MBD5: variants seen among roughly 807,000 people sequenced by gnomAD.
MBD5 encodes methyl-CpG binding domain protein 5.
Under a neutral mutation model 117.3 loss-of-function variants are expected in MBD5, and 13 were observed. The observed-to-expected ratio is 0.11, with a 90% CI of 0.07 to 0.18. The LOEUF is 0.18. Among genes scored for constraint, MBD5 ranks in the 10% least tolerant of loss-of-function variants. The pLI is 1.00. For missense variants in MBD5, 1,879 were observed against 2,093.8 expected (o/e 0.90, Z 2.00); for synonymous variants, 727 against 766.4 (o/e 0.95, Z 0.85).
At chr2:148,043,673 T>C (rs1452098574) in intron 1 of MBD5, among the ~76,000 whole-genome samples, 1 of 152,178 alleles carries the variant, frequency 6.6e-6, no homozygotes, top group Non-Finnish European at 1.5e-5. Context: ...ACTCACCATA[T>C]GTTGCCTACC....
At chr2:148,353,198 C>T (rs1020390299) in intron 4 of MBD5, among the ~76,000 whole-genome samples, 2 of 152,008 alleles carry the variant, frequency 1.3e-5, no homozygotes, top group African/African-American at 4.8e-5. Context: ...TTTTGTGTCA[C>T]AAGTATTTAG....
At chr2:148,289,937 T>C (rs984396660) in intron 3 of MBD5, among the ~76,000 whole-genome samples, 3 of 140,680 alleles carry the variant, frequency 2.1e-5, no homozygotes, top group Non-Finnish European at 3.0e-5. Context: ...AATAATCCTA[T>C]AAAAATCATG....
chr2:148,261,196 T>G (rs1287685671), intron 3 of MBD5, among the ~76,000 whole-genome samples: 3 of 152,182 alleles, frequency 2.0e-5, no homozygotes, highest in Non-Finnish European at 2.9e-5. Flanking sequence ...CAACCTAAAA[T>G]CACCAACTGC....
At chr2:148,397,192 T>A (rs747131533) in intron 4 of MBD5, among the ~76,000 whole-genome samples, 3 of 152,150 alleles carry the variant, frequency 2.0e-5, no homozygotes, top group Non-Finnish European at 4.4e-5. Context: ...CTGATTAAGG[T>A]AAACTGTGTA....
chr2:148,366,263 A>G (rs1474051361), intron 4 of MBD5, among the ~76,000 whole-genome samples: 2 of 136,140 alleles, frequency 1.5e-5, no homozygotes, highest in Non-Finnish European at 3.2e-5. Flanking sequence ...AAGGCCTTCG[A>G]TAAAATCCAA....
chr2:148,392,819 C>A (rs1238564097), intron 4 of MBD5, among the ~76,000 whole-genome samples: 3 of 152,060 alleles, frequency 2.0e-5, no homozygotes, highest in Non-Finnish European at 4.4e-5. Context: ...TAAAATCGGA[C>A]CCATTCTTAA....
At chr2:148,316,407 G>A (rs1349969542) in intron 3 of MBD5, among the ~76,000 whole-genome samples, 1 of 152,084 alleles carries the variant, frequency 6.6e-6, no homozygotes, top group African/African-American at 2.4e-5. Context: ...ATTACATTGG[G>A]TATATAAGAT....
At chr2:148,426,843 C>G (rs553546750) in intron 4 of MBD5, among the ~76,000 whole-genome samples, 1 of 152,096 alleles carries the variant, frequency 6.6e-6, no homozygotes, top group African/African-American at 2.4e-5. Context: ...GCAAAAGAAA[C>G]CACCATCAGA....
chr2:148,124,748 A>T (rs1457050470), intron 1 of MBD5, among the ~76,000 whole-genome samples: 1 of 151,972 alleles, frequency 6.6e-6, no homozygotes, highest in Non-Finnish European at 1.5e-5. Context: ...AAAATGCAAA[A>T]TTTTTTGTAT....
intron 8 of MBD5, among the ~76,000 whole-genome samples, chr2:148,475,188 T>A (rs1680918064): frequency 6.6e-6 from 1 of 152,152 alleles, no homozygotes; most frequent in Non-Finnish European, 1.5e-5. Flanking sequence ...TTCGATTTTA[T>A]CCCCCAATCA....
intron 1 of MBD5, among the ~76,000 whole-genome samples, chr2:148,042,810 G>C (rs1694401177): frequency 6.6e-6 from 1 of 152,122 alleles, no homozygotes; most frequent in African/African-American, 2.4e-5. Flanking sequence ...GACCTAACCA[G>C]TGTTGCTGAA....
chr2:148,478,493 G>A (rs1057097174), intron 8 of MBD5, among the ~76,000 whole-genome samples: 1 of 152,134 alleles, frequency 6.6e-6, no homozygotes. Context: ...AGGAGGCGGA[G>A]GTTGCAGTGA....
intron 3 of MBD5, among the ~76,000 whole-genome samples, chr2:148,292,336 C>G (rs1701519385): frequency 6.6e-6 from 1 of 152,094 alleles, no homozygotes; most frequent in African/African-American, 2.4e-5. Flanking sequence ...GATTAATAAC[C>G]AGAATATGTA....
intron 4 of MBD5, among the ~76,000 whole-genome samples, chr2:148,423,658 C>T (rs1343080762): frequency 6.6e-6 from 1 of 152,052 alleles, no homozygotes; most frequent in South Asian, 2.1e-4. Context: ...GGCAAAATAA[C>T]CAGCTAGCAT....
chr2:148,471,472 T>C (rs1275686495), intron 8 of MBD5: 2 of 152,178 alleles, frequency 1.3e-5, no homozygotes, highest in African/African-American at 4.8e-5. Context: ...CAGTGTGCTA[T>C]GAAAACCAGA....
chr2:148,285,595 C>T (rs895227988), intron 3 of MBD5, among the ~76,000 whole-genome samples: 1 of 152,126 alleles, frequency 6.6e-6, no homozygotes, highest in Non-Finnish European at 1.5e-5. Flanking sequence ...TTGCTGGCCT[C>T]ACATAATCTT....
chr2:148,360,972 T>C (rs1703514739), intron 4 of MBD5, among the ~76,000 whole-genome samples: 1 of 152,316 alleles, frequency 6.6e-6, no homozygotes, highest in East Asian at 1.9e-4. Context: ...AGAATTATCA[T>C]AATCTGCTAA....
Position 148,483,791 on chromosome 2 carries a change from C to T in MBD5, c.3200C>T (p.Thr1067Ile). The T allele has an allele frequency of 5.2e-6, 8 of 1,550,614 alleles. No homozygotes were observed. The highest frequency in any genetic ancestry group is 7.0e-6 in the Non-Finnish European group (8 of 1,146,986). The change falls in exon 9 of 14, where the codon ACT becomes ATT. Residue 1067 changes from threonine to isoleucine, a missense_variant. Coordinates refer to ENST00000642680, the MANE Select transcript of MBD5 (RefSeq NM_001378120.1). ...CCAAGCTTTGCAGGCAGTGACACTA[C>T]TTTTAACCCCCTGTTCCTCCCAGCT... ...PLPSFAGSDTTFNPLFLPAVN... is the reference protein window; with the variant it reads ...PLPSFAGSDTIFNPLFLPAVN...
At chr2:148,220,153 T>TA (rs1414532183) in intron 2 of MBD5, 1 of 152,192 alleles carries the variant, frequency 6.6e-6, no homozygotes, top group East Asian at 1.9e-4. Context: ...TTTATATAAA[T>TA]ACTGTTTATC....
Sources: allele counts gnomAD v4.1 joint callset (sites outside exome capture counted in the v4.1 genomes callset), GRCh38; gene constraint gnomAD v4.1.1; transcripts MANE v1.5; gene names NCBI Gene and HGNC (gene_info 2026-07-23, HGNC 2026-07-21).